Variants in PLA2G5 observed in about 807,000 individuals in gnomAD.
PLA2G5 encodes Ca2+-dependent phospholipase A2.
Under a neutral mutation model 15.9 loss-of-function variants are expected in PLA2G5, and 12 were observed. The observed-to-expected ratio is 0.76, with a 90% CI of 0.48 to 1.23. The LOEUF (loss-of-function observed/expected upper bound fraction) is 1.23, where lower values mean the gene tolerates loss of function less well. Ranked by LOEUF, PLA2G5 falls within the 50% of genes most tolerant of loss-of-function variation. PLA2G5 has a pLI of 0.00. For synonymous variants in PLA2G5, 71 were observed against 71.4 expected, an observed-to-expected ratio of 0.99 and a Z score of 0.03; for missense variants, 169 against 177.1, an observed-to-expected ratio of 0.95 and a Z score of 0.26.
At chr1:20,053,396 A>G (rs1466304529) in intron 1 of PLA2G5, among the ~76,000 whole-genome samples, 1 of 152,132 alleles carries the variant, frequency 6.6e-6, no homozygotes, top group East Asian at 1.9e-4. Context: ...GCCTTATGGT[A>G]TACCATAAAA....
chr1:20,047,499 AT>A (rs1569672753), intron 1 of PLA2G5, among the ~76,000 whole-genome samples: 1 of 152,182 alleles, frequency 6.6e-6, no homozygotes, highest in East Asian at 1.9e-4. Flanking sequence ...CTTTGTGCAC[AT>A]TTACATTGAG....
At chr1:20,073,173 A>G (rs895099406) in intron 1 of PLA2G5, among the ~76,000 whole-genome samples, 10 of 152,202 alleles carry the variant, frequency 6.6e-5, no homozygotes, top group African/African-American at 2.4e-4. Flanking sequence ...GTAGATTTTA[A>G]CCAGTTAGAA....
chr1:20,075,257 C>T (rs550281570), intron 1 of PLA2G5, among the ~76,000 whole-genome samples: 2 of 152,254 alleles, frequency 1.3e-5, no homozygotes, highest in Admixed American at 1.3e-4. Context: ...CAAGATCCAA[C>T]CTCCTTAGCC....
At chr1:20,040,083 A>C (rs2013509115) in intron 1 of PLA2G5, among the ~76,000 whole-genome samples, 1 of 130,862 alleles carries the variant, frequency 7.6e-6, no homozygotes, top group Admixed American at 7.4e-5. Context: ...ATCATTAAAC[A>C]AACAAACACA....
chr1:20,065,145 A>G (rs545104140), intron 2 of PLA2G5, among the ~76,000 whole-genome samples: 2 of 152,186 alleles, frequency 1.3e-5, no homozygotes, highest in Non-Finnish European at 2.9e-5. Context: ...ACAGCTTTAG[A>G]TTTACATAAG....
chr1:20,062,432 G>C (rs940924306), intron 2 of PLA2G5, among the ~76,000 whole-genome samples: 1 of 152,170 alleles, frequency 6.6e-6, no homozygotes, highest in Admixed American at 6.5e-5. Flanking sequence ...GACATCCTCT[G>C]AGAGGAAAAC....
upstream of PLA2G5, chr1:20,069,095 C>T (rs1409262989): frequency 3.2e-5 from 15 of 462,316 alleles, no homozygotes; most frequent in Non-Finnish European, 6.4e-5. Flanking sequence ...CAATGATACG[C>T]AATTTTATAC....
At chr1:20,049,481 A>G (rs1367734076) in intron 1 of PLA2G5, among the ~76,000 whole-genome samples, 1 of 152,114 alleles carries the variant, frequency 6.6e-6, no homozygotes, top group African/African-American at 2.4e-5. Flanking sequence ...TCCCCACCCA[A>G]ATCTCACCTT....
At chr1:20,058,168 A>C (rs1330200427) in intron 1 of PLA2G5, among the ~76,000 whole-genome samples, 1 of 152,220 alleles carries the variant, frequency 6.6e-6, no homozygotes, top group South Asian at 2.1e-4. Context: ...GTTCAGTTCA[A>C]CTATGTCCTT....
intron 1 of PLA2G5, among the ~76,000 whole-genome samples, chr1:20,029,923 C>A (rs1415708487): frequency 6.6e-6 from 1 of 152,140 alleles, no homozygotes; most frequent in African/African-American, 2.4e-5. Flanking sequence ...TAGGGGTGGG[C>A]AGACAAAAGT....
intron 1 of PLA2G5, among the ~76,000 whole-genome samples, chr1:20,078,704 GA>G (rs2015833603): frequency 6.6e-6 from 1 of 152,086 alleles, no homozygotes; most frequent in Non-Finnish European, 1.5e-5. Flanking sequence ...TTAGTCCTAG[GA>G]AGAGAAGGGT....
chr1:20,053,961 T>A (rs1000045055), intron 1 of PLA2G5, among the ~76,000 whole-genome samples: 7 of 152,204 alleles, frequency 4.6e-5, no homozygotes, highest in Admixed American at 6.5e-5. Context: ...TTTCAGAAAC[T>A]TAAAATTTAA....
chr1:20,033,409 A>G (rs71647141), intron 1 of PLA2G5, among the ~76,000 whole-genome samples: 1 of 152,160 alleles, frequency 6.6e-6, no homozygotes, highest in African/African-American at 2.4e-5. Flanking sequence ...CTGGAGGGTG[A>G]CTAGAGGGTT....
At position 20,035,012 on chromosome 1, in the gene PLA2G5, C is replaced by G. The variant is rs570594806; in HGVS notation, n.276+6303C>G. 2.2e-4 allele frequency among the ~76,000 whole-genome samples: 33 copies of G among 152,232 alleles called. 1 individual carries two copies. In the South Asian group the frequency reaches 6.4e-3, roughly 30 times the overall value. ...GTCCACTCAGGATCTGGAAGCAGGT[C>G]TGGTTCTAGTTTTTTCTGCTTGCTG... On this transcript the variant is annotated intron_variant and non_coding_transcript_variant, in intron 1 of 6. Coordinates refer to the PLA2G5 transcript ENST00000460175.
rs575224336 is a variant in PLA2G5 at position 20,091,645 on chromosome 1, C to T, written c.*953C>T. 6.6e-6 allele frequency among the ~76,000 whole-genome samples: 1 copy of T among 151,946 alleles called. No homozygotes were observed. Among genetic ancestry groups the T allele is most frequent in the South Asian group, 2.1e-4 (1 of 4,804 alleles). On this transcript the variant is annotated 3_prime_UTR_variant, in exon 5 of 5. Transcript: ENST00000375108. ...GCAGGAATTTTTTTTTAATAGGTGT[C>T]AGCTGTGGGGTTTATTTTTTACAAA...
intron 1 of PLA2G5, chr1:20,071,061 G>T: frequency 6.6e-6 from 1 of 152,304 alleles, no homozygotes. Context: ...CGTGGCCTCA[G>T]GAGTCAAATG....
chr1:20,046,459 G>C (rs1368115703), intron 1 of PLA2G5, among the ~76,000 whole-genome samples: 2 of 152,150 alleles, frequency 1.3e-5, no homozygotes, highest in Non-Finnish European at 1.5e-5. Context: ...CTTAAAAAAA[G>C]TTCTTTTACT....
In PLA2G5 at chr1:20,063,553, A is replaced by C. The variant is rs541843185; in HGVS notation, n.337+3861A>C. On this transcript the variant is annotated intron_variant and non_coding_transcript_variant, in intron 2 of 6. Transcript: ENST00000460175. ...TGTGAAGTCGAGCAGCTGGAAGGAC[A>C]GACACCTCATCTGACCACTGTTCTA... is the stretch of plus-strand genomic sequence containing the variant. 7.2e-5 allele frequency: 11 copies of C among 152,366 alleles called. No homozygotes were observed. In the East Asian group the frequency reaches 2.1e-3, roughly 29 times the overall value. 9.4% of individuals were successfully genotyped at this position (152,366 alleles called of 1,614,324 possible). A position where few individuals can be genotyped will look rare whatever the true frequency, so the allele number is the denominator to read the frequency against.
upstream of PLA2G5, chr1:20,068,971 C>T: frequency 7.8e-7 from 1 of 1,283,518 alleles, no homozygotes; most frequent in African/African-American, 1.5e-5. Context: ...GACAAAGAGG[C>T]CCAGAATTGG....
Sources: gnomAD v4.1 joint callset for allele counts (sites outside exome capture counted in the v4.1 genomes callset) on GRCh38, gnomAD v4.1.1 for gene constraint, MANE v1.5 for transcripts, NCBI Gene and HGNC (gene_info 2026-07-23, HGNC 2026-07-21) for gene names.